The following DAPK1 variants were observed in gnomAD, a reference collection of about 807,000 sequenced individuals.
DAPK1 encodes the protein death-associated protein kinase 1.
In DAPK1, 56 loss-of-function variants were observed where a neutral mutation model predicts 144.9. The observed-to-expected ratio is 0.39, with a 90% confidence interval of 0.31 to 0.48. DAPK1 has a LOEUF of 0.48. Among genes scored for constraint, DAPK1 ranks in the 20% least tolerant of loss-of-function variants. DAPK1 has a pLI of 0.95. For synonymous variants in DAPK1, 690 were observed against 749.0 expected, an observed-to-expected ratio of 0.92 and a Z score of 1.29; for missense variants, 1,454 against 1,875.4, an observed-to-expected ratio of 0.78 and a Z score of 4.15.
rs753795810 is a variant in DAPK1 at position 87,638,055 on chromosome 9, C to T, written c.397C>T (p.Leu133Phe). 1.9e-6 allele frequency: 3 copies of T among 1,612,690 alleles called. No individual in the cohort carries two copies. Among genetic ancestry groups the T allele is most frequent in the South Asian group, 2.2e-5 (2 of 90,942 alleles). Residue 133 changes from leucine to phenylalanine, a missense_variant, in exon 4 of 26, where the codon CTT becomes TTT. Around this residue, in one of 2 missense-constraint regions of DAPK1, gnomAD observed 429 missense variants for 637.5 expected, o/e 0.67. Coordinates refer to ENST00000408954, the MANE Select transcript of DAPK1 (RefSeq NM_004938.4). Reference sequence around the variant, plus strand: ...TAATGGTGTTTACTACCTGCACTCCCTTCAAATCGCCCACTTTGATCTTAA... The same window carrying T: ...TAATGGTGTTTACTACCTGCACTCCTTTCAAATCGCCCACTTTGATCTTAA... The part of the protein sequence containing the change: ...ILNGVYYLHS[L>F]QIAHFDLKPE...
At position 87,686,034 on chromosome 9, in the gene DAPK1, A is replaced by G. The variant is rs566515620; in HGVS notation, c.2225-517A>G. Among the ~76,000 whole-genome samples, 36 of 152,222 alleles carry G rather than the reference A, an allele frequency of 2.4e-4. No individual in the cohort carries two copies. The highest frequency in any genetic ancestry group is 5.0e-4 in the Non-Finnish European group (34 of 68,040). Reference sequence around the variant, plus strand: ...AATTTCAAAAAGGAGTAGCTTTCACAGTGTGTGATTCAGCATTATTTAATG... The same window carrying G: ...AATTTCAAAAAGGAGTAGCTTTCACGGTGTGTGATTCAGCATTATTTAATG... On this transcript the variant is annotated intron_variant, in intron 20 of 25. Transcript: ENST00000408954. This position sits in a 1 kb window ranked among gnomAD's most constrained non-coding sequence, Gnocchi z 4.2.
At chr9:87,609,255 C>T (rs938188806) in intron 3 of DAPK1, among the ~76,000 whole-genome samples, 4 of 152,172 alleles carry the variant, frequency 2.6e-5, no homozygotes, top group East Asian at 3.9e-4. Flanking sequence ...GCCAGCTTGC[C>T]GACTCACCTG....
chr9:87,532,022 C>T (rs1394887298), intron 2 of DAPK1, among the ~76,000 whole-genome samples: 1 of 152,182 alleles, frequency 6.6e-6, no homozygotes, highest in East Asian at 1.9e-4. Flanking sequence ...GGCCTTAGTG[C>T]TAAGCTAGGC....
intron 3 of DAPK1, among the ~76,000 whole-genome samples, chr9:87,619,719 G>A (rs1243015358): frequency 6.6e-6 from 1 of 152,160 alleles, no homozygotes; most frequent in Admixed American, 6.5e-5. Flanking sequence ...ACAGTCGATG[G>A]GACTCCACGG....
At chr9:87,665,150 A>C in intron 18 of DAPK1, among the ~76,000 whole-genome samples, 1 of 124,400 alleles carries the variant, frequency 8.0e-6, no homozygotes, top group Non-Finnish European at 1.6e-5. Context: ...ATTTTTCTTC[A>C]TAGCACCTAT....
chr9:87,668,723 A>G (rs113520364), intron 19 of DAPK1, 49 bp downstream of exon 19: 25 of 896,174 alleles, frequency 2.8e-5, no homozygotes, highest in African/African-American at 1.6e-4. Context: ...TGTTTATGTG[A>G]AAAAGTCTCA....
At chr9:87,498,935 T>C (rs1255461944) in intron 1 of DAPK1, 35 bp from the exon 2 acceptor site, 1 of 626,622 alleles carries the variant, frequency 1.6e-6, no homozygotes, top group Non-Finnish European at 2.8e-6. Context: ...GTTGCCATTT[T>C]ACTATTATTA....
At chr9:87,705,140 CTT>C (rs1331745453) in intron 25 of DAPK1, among the ~76,000 whole-genome samples, 7 of 150,370 alleles carry the variant, frequency 4.7e-5, no homozygotes, top group African/African-American at 1.5e-4. Context: ...TGTTCTGACT[CTT>C]TTTTGAAAAT....
chr9:87,647,237 C>A, intron 13 of DAPK1, 68 bp from the exon 14 acceptor site: 2 of 1,232,098 alleles, frequency 1.6e-6, no homozygotes, highest in South Asian at 1.2e-5. Context: ...AACAGTGAGT[C>A]TGAGGAATGC....
At chr9:87,590,864 C>T (rs577633740) in intron 2 of DAPK1, among the ~76,000 whole-genome samples, 25 of 152,366 alleles carry the variant, frequency 1.6e-4, no homozygotes, top group Admixed American at 7.2e-4. Flanking sequence ...GCTGGGATTA[C>T]AGGCGTGAGC....
chr9:87,510,403 A>G (rs1450380390), intron 2 of DAPK1, among the ~76,000 whole-genome samples: 3 of 152,244 alleles, frequency 2.0e-5, no homozygotes, highest in African/African-American at 4.8e-5. Flanking sequence ...AGAAGTTATA[A>G]TAACCTGGAG....
chr9:87,677,111 A>G (rs1824415757), intron 19 of DAPK1, among the ~76,000 whole-genome samples: 1 of 152,180 alleles, frequency 6.6e-6, no homozygotes, highest in Admixed American at 6.5e-5. Flanking sequence ...CGTGGAAGTT[A>G]CTGCTGCAGA....
rs1824251081 is a variant in DAPK1, at chr9:87,498,184, G to A, written c.-109+77G>A. 3 of 396,696 alleles carry A rather than the reference G, an allele frequency of 7.6e-6. No individual in the cohort carries two copies. The South Asian group carries it at 4.3e-4, about 57-fold the overall frequency. The allele number at this position is 396,696 out of a possible 1,614,324, so 24.6% of individuals were successfully genotyped here. On this transcript the variant is annotated intron_variant, in intron 1 of 25. Transcript: ENST00000408954. ...TTGCTTTCCCAGCCAGGGCGCGGTG[G>A]GGTTTGTCCGGGCAGTGCCTCGAGC...
intron 16 of DAPK1, 176 bp downstream of exon 16, chr9:87,650,294 G>C (rs1830400766): frequency 1.7e-6 from 1 of 600,714 alleles, no homozygotes; most frequent in East Asian, 2.9e-5. Flanking sequence ...GTATTTAATA[G>C]TTAATATTAA....
Position 87,707,012 on chromosome 9 carries a change from G to C in DAPK1, c.3941G>C (p.Ser1314Thr), listed in dbSNP as rs750234008. ...AACCTCCTCACTCGGAGGAAACTGAGTCGCCTGCTGGACCCGCCCGACCCC... is the reference window on the plus strand; with the variant it reads ...AACCTCCTCACTCGGAGGAAACTGACTCGCCTGCTGGACCCGCCCGACCCC... ...DLNLLTRRKL[S>T]RLLDPPDPLG... Residue 1314 changes from serine to threonine, a missense_variant, in exon 26 of 26, where the codon AGT becomes ACT. Ser to Thr is a moderately conservative substitution (Grantham distance 58). This residue lies in a region of DAPK1 where 1,025 missense variants were observed against 1,237.9 expected (regional missense o/e 0.83). Coordinates refer to ENST00000408954, the MANE Select transcript of DAPK1 (RefSeq NM_004938.4). The surrounding 1 kb of genome is among the most constrained non-coding windows in gnomAD (Gnocchi z 4.0). 5.0e-6 allele frequency: 8 copies of C among 1,613,694 alleles called. No homozygotes were observed. Among genetic ancestry groups the C allele is most frequent in the Middle Eastern group, 1.6e-4 (1 of 6,062 alleles).
At chr9:87,558,213 T>C (rs1197273086) in intron 2 of DAPK1, among the ~76,000 whole-genome samples, 1 of 152,106 alleles carries the variant, frequency 6.6e-6, no homozygotes, top group Non-Finnish European at 1.5e-5. Context: ...ATGGACTCTC[T>C]TAGGGACTCA....
Position 87,656,963 on chromosome 9 carries a change from A to G in DAPK1, c.1825-1066A>G, listed in dbSNP as rs140034780. Among the ~76,000 whole-genome samples the G allele has an allele frequency of 2.4e-3, 363 of 152,238 alleles. 2 individuals carry two copies. The highest frequency in any genetic ancestry group is 8.2e-3 in the African/African-American group (341 of 41,556). ...GGGAGAAGGAAGATTTTTATTTTGT[A>G]TTATGTTTTTCTAGGTTGCTTGGAT... On this transcript the variant is annotated intron_variant, in intron 17 of 25. Coordinates refer to ENST00000408954, the MANE Select transcript of DAPK1 (RefSeq NM_004938.4).
At chr9:87,571,476 A>ACACCCCAACACACACAC (rs771023885) in intron 2 of DAPK1, among the ~76,000 whole-genome samples, 4 of 48,560 alleles carry the variant, frequency 8.2e-5, no homozygotes, top group African/African-American at 2.8e-4. Flanking sequence ...CACACACACC[A>ACACCCCAACACACACAC]ACACACACAC....
intron 21 of DAPK1, among the ~76,000 whole-genome samples, chr9:87,690,567 G>A (rs1275804031): frequency 6.6e-6 from 1 of 152,020 alleles, no homozygotes; most frequent in African/African-American, 2.4e-5. Flanking sequence ...TAGGAGTGAT[G>A]TAGGGGGCAT....
Sources: gnomAD v4.1 joint callset for allele counts (sites outside exome capture counted in the v4.1 genomes callset) on GRCh38, gnomAD v4.1.1 for gene constraint, gnomAD v4.1.1 regional missense constraint, Gnocchi (gnomAD v3.1) non-coding constraint, MANE v1.5 for transcripts, NCBI Gene and HGNC (gene_info 2026-07-23, HGNC 2026-07-21) for gene names.